The following CBFB variants were observed in gnomAD, a reference collection of about 807,000 sequenced individuals.
The protein encoded by CBFB is core-binding factor subunit beta.
CBFB carries 9 observed loss-of-function variants against 30.4 expected under a neutral mutation model. That is an observed-to-expected ratio of 0.30 (90% CI 0.18 to 0.52). The LOEUF is 0.52. CBFB is among the 20% of genes least tolerant of loss of function. The probability of loss-of-function intolerance (pLI) is 0.97; values close to 1 mark genes in which losing one functional copy is unlikely to be tolerated. For missense variants in CBFB, 170 were observed against 244.0 expected, an observed-to-expected ratio of 0.70 and a Z score of 2.02; for synonymous variants, 94 against 84.0, an observed-to-expected ratio of 1.12 and a Z score of -0.65.
Position 67,036,678 on chromosome 16 carries a change from T to C in CBFB, c.205T>C (p.Phe69Leu). The change falls in exon 3 of 6, where the codon TTT becomes CTT. Residue 69 changes from phenylalanine to leucine, a missense_variant. Transcript: ENST00000412916. Reference sequence around the variant, plus strand: ...AGGAACCAATCTGTCTCTCCAGTTTTTTCCGGCCAGCTGGCAGGGAGAACA... The same window carrying C: ...AGGAACCAATCTGTCTCTCCAGTTTCTTCCGGCCAGCTGGCAGGGAGAACA... ...ATGTNLSLQF[F>L]PASWQGEQRQ... The C allele has an allele frequency of 6.2e-7, 1 of 1,614,020 alleles. No homozygotes were observed. Among genetic ancestry groups the C allele is most frequent in the East Asian group, 2.2e-5 (1 of 44,882 alleles).
intron 2 of CBFB, among the ~76,000 whole-genome samples, chr16:67,032,468 CTA>C (rs1348293395): frequency 6.6e-6 from 1 of 152,112 alleles, no homozygotes; most frequent in African/African-American, 2.4e-5. Context: ...AATAATGTAA[CTA>C]TTGGTATTTG....
chr16:67,096,283 C>G (rs1484687411), intron 5 of CBFB, among the ~76,000 whole-genome samples: 2 of 151,610 alleles, frequency 1.3e-5, no homozygotes, highest in Non-Finnish European at 2.9e-5. Context: ...TGTACTCCAG[C>G]CTGGAAAACA....
intron 3 of CBFB, among the ~76,000 whole-genome samples, chr16:67,049,845 A>C (rs959677519): frequency 2.6e-5 from 4 of 152,082 alleles, no homozygotes; most frequent in Non-Finnish European, 5.9e-5. Flanking sequence ...CATTATCACT[A>C]ATTCTCCTAA....
At chr16:67,081,766 T>C (rs1237901818) in intron 4 of CBFB, among the ~76,000 whole-genome samples, 1 of 152,020 alleles carries the variant, frequency 6.6e-6, no homozygotes, top group Admixed American at 6.6e-5. Context: ...TGGTGAGCTA[T>C]GATTCCACCA....
Position 67,098,785 on chromosome 16 carries a change from G to C in CBFB, c.*7G>C. 1 of 1,535,192 alleles carries C rather than the reference G, an allele frequency of 6.5e-7. No individual in the cohort carries two copies. ...TGACCTCAAACTTCGTTAATTAATA[G>C]CACAGCAGATGTGTGCTGCCCATCT... On this transcript the variant is annotated 3_prime_UTR_variant, in exon 6 of 6. Coordinates refer to ENST00000412916, the MANE Select transcript of CBFB (RefSeq NM_022845.3).
chr16:67,039,792 T>C (rs1479422080), intron 3 of CBFB, among the ~76,000 whole-genome samples: 3 of 152,134 alleles, frequency 2.0e-5, no homozygotes, highest in Non-Finnish European at 4.4e-5. Context: ...CAACTACTCA[T>C]CTCTGTAACT....
rs190576546 is a variant in CBFB at position 67,098,807 on chromosome 16, A to G, written c.*29A>G. On this transcript the variant is annotated 3_prime_UTR_variant, in exon 6 of 6. Transcript: ENST00000412916. ...ATAGCACAGCAGATGTGTGCTGCCC[A>G]TCTTTACATACACATTGCTTCTAGT... 723 of 1,255,292 alleles carry G rather than the reference A, an allele frequency of 5.8e-4. 5 individuals carry two copies. The African/African-American group carries it at 7.0e-3, about 12-fold the overall frequency. 77.8% of individuals were successfully genotyped at this position (1,255,292 alleles called of 1,614,324 possible).
intron 2 of CBFB, chr16:67,030,112 G>A: frequency 2.9e-6 from 1 of 341,312 alleles, no homozygotes; most frequent in East Asian, 5.9e-5. Context: ...CGACACCGAA[G>A]AAGGGTTCAG....
intron 5 of CBFB, among the ~76,000 whole-genome samples, chr16:67,090,422 T>C (rs1244280370): frequency 6.6e-6 from 1 of 152,230 alleles, no homozygotes; most frequent in Non-Finnish European, 1.5e-5. Context: ...TCTGAAAATG[T>C]TGACATGTTT....
Position 67,029,315 on chromosome 16 carries a change from G to T in CBFB, c.-93G>T. ...AGGGAAGCGGGCGTCCGGGCGCCGC[G>T]GGTGGGCGGTCAGTCGGTCAGCGCG... On this transcript the variant is annotated 5_prime_UTR_variant, in exon 1 of 6. Coordinates refer to ENST00000412916, the MANE Select transcript of CBFB (RefSeq NM_022845.3). The T allele has an allele frequency of 1.2e-6, 1 of 849,920 alleles. No homozygotes were observed. 52.6% of individuals were successfully genotyped at this position (849,920 alleles called of 1,614,324 possible).
intron 3 of CBFB, among the ~76,000 whole-genome samples, chr16:67,048,070 A>G (rs1023105575): frequency 4.6e-5 from 7 of 152,072 alleles, no homozygotes; most frequent in African/African-American, 1.7e-4. Flanking sequence ...CTCAAAAAAA[A>G]TAAAAATAAA....
intron 3 of CBFB, among the ~76,000 whole-genome samples, chr16:67,049,651 T>C (rs1159184506): frequency 6.6e-6 from 1 of 151,770 alleles, no homozygotes; most frequent in Non-Finnish European, 1.5e-5. Context: ...CAGCTGTTTT[T>C]TTTTGTTTTA....
intron 3 of CBFB, among the ~76,000 whole-genome samples, chr16:67,041,934 G>A (rs1966538548): frequency 6.8e-6 from 1 of 147,084 alleles, no homozygotes; most frequent in African/African-American, 2.5e-5. Flanking sequence ...GACAAAACAA[G>A]GTCTTATTCT....
intron 3 of CBFB, among the ~76,000 whole-genome samples, chr16:67,048,900 G>C (rs1460727255): frequency 8.3e-6 from 1 of 120,958 alleles, no homozygotes; most frequent in Non-Finnish European, 1.6e-5. Flanking sequence ...AGCTCACCAC[G>C]ACCTCCACCT....
chr16:67,082,119 A>T (rs2145770982), intron 4 of CBFB, 94 bp from the exon 5 acceptor site: 1 of 1,046,176 alleles, frequency 9.6e-7, no homozygotes, highest in Non-Finnish European at 1.3e-6. Context: ...GCGCCCGGCC[A>T]CTGTTTCAGG....
intron 3 of CBFB, among the ~76,000 whole-genome samples, chr16:67,062,208 G>T (rs1278315919): frequency 6.7e-6 from 1 of 149,558 alleles, no homozygotes; most frequent in African/African-American, 2.5e-5. Context: ...TGCTGTTGTT[G>T]CCTAGACTGG....
intron 3 of CBFB, among the ~76,000 whole-genome samples, chr16:67,041,068 C>T (rs764591912): frequency 8.5e-5 from 13 of 152,232 alleles, no homozygotes; most frequent in African/African-American, 3.1e-4. Context: ...ACCACATGGG[C>T]TTTTTATTCT....
rs529702702 is a variant in CBFB, at chr16:67,083,160, CAG to C, written c.495+855_495+856del. Among the ~76,000 whole-genome samples the C allele has an allele frequency of 9.2e-5, 14 of 152,250 alleles. 1 individual carries two copies. The South Asian group carries it at 2.9e-3, about 32-fold the overall frequency. Reference sequence around the variant, plus strand: ...TGCCACTGTATTCCAGCCTGGATGACAGAGTGAGATCCTGCCTTTAGGAAATA... The same window carrying C: ...TGCCACTGTATTCCAGCCTGGATGACAGTGAGATCCTGCCTTTAGGAAATA... On this transcript the variant is annotated intron_variant, in intron 5 of 5. Transcript: ENST00000412916.
chr16:67,072,822 G>C (rs1961266357), intron 4 of CBFB, among the ~76,000 whole-genome samples: 1 of 151,296 alleles, frequency 6.6e-6, no homozygotes, highest in Non-Finnish European at 1.5e-5. Flanking sequence ...TCAGGCCAGA[G>C]TGCAGTGGTA....
Sources: allele counts gnomAD v4.1 joint callset (sites outside exome capture counted in the v4.1 genomes callset), GRCh38; gene constraint gnomAD v4.1.1; transcripts MANE v1.5; gene names NCBI Gene and HGNC (gene_info 2026-07-23, HGNC 2026-07-21).